PDCD2L: variants seen among roughly 807,000 people sequenced by gnomAD.
The protein encoded by PDCD2L is programmed cell death 2 like.
A neutral mutation model predicts 40.4 loss-of-function variants in PDCD2L; 44 were observed. That is an observed-to-expected ratio of 1.09 (90% CI 0.86 to 1.40). PDCD2L has a LOEUF of 1.40. Among genes scored for constraint, PDCD2L ranks in the 40% most tolerant of loss-of-function variants. The pLI, the probability that PDCD2L is intolerant of heterozygous loss-of-function variation, is 0.00. For missense variants in PDCD2L, 470 were observed against 453.7 expected, an observed-to-expected ratio of 1.04 and a Z score of -0.33; for synonymous variants, 194 against 174.6, an observed-to-expected ratio of 1.11 and a Z score of -0.88.
chr19:34,422,961 G>A lies in PDCD2L; in HGVS notation c.946+1294G>A, dbSNP rs910012802. Among the ~76,000 whole-genome samples the A allele has an allele frequency of 4.7e-5, 7 of 150,424 alleles. No homozygotes were observed. In the East Asian group the frequency reaches 5.9e-4, roughly 13 times the overall value. On this transcript the variant is annotated intron_variant, in intron 6 of 6. Transcript: ENST00000246535. ...TGTTGATCTCCTGACCTTGTGATCCGCCCACCTCAGCCTCCCAAAGTGCTG... is the reference window on the plus strand; with the variant it reads ...TGTTGATCTCCTGACCTTGTGATCCACCCACCTCAGCCTCCCAAAGTGCTG...
chr19:34,409,510 G>C lies in PDCD2L; in HGVS notation c.686G>C (p.Ser229Thr). 1 of 1,612,452 alleles carries C rather than the reference G, an allele frequency of 6.2e-7. No homozygotes were observed. Among genetic ancestry groups the C allele is most frequent in the Non-Finnish European group, 8.5e-7 (1 of 1,178,968 alleles). The change falls in exon 4 of 7, where the codon AGC becomes ACC. Residue 229 changes from serine to threonine, a missense_variant and splice_region_variant. Coordinates refer to ENST00000246535, the MANE Select transcript of PDCD2L (RefSeq NM_032346.2). ...GCCATGGATCAGTTGCTTTCCCAAA[G>C]GTGAGGATGTGTGCTGCTGAGGTTG... Reference protein sequence around the residue: ...GIAMDQLLSQSLPNDGDEKYE... With the variant: ...GIAMDQLLSQTLPNDGDEKYE...
At chr19:34,412,073 A>G (rs1020689145) in intron 4 of PDCD2L, among the ~76,000 whole-genome samples, 4 of 151,240 alleles carry the variant, frequency 2.6e-5, no homozygotes, top group African/African-American at 9.7e-5. Flanking sequence ...AGGCTGGAGT[A>G]CAGTGGCTCA....
intron 6 of PDCD2L, among the ~76,000 whole-genome samples, chr19:34,425,682 C>T (rs1269615184): frequency 6.6e-6 from 1 of 152,104 alleles, no homozygotes; most frequent in Non-Finnish European, 1.5e-5. Flanking sequence ...CTATGTATAT[C>T]ACATGAACCA....
chr19:34,420,992 A>G (rs2075148150), intron 5 of PDCD2L, among the ~76,000 whole-genome samples: 1 of 152,152 alleles, frequency 6.6e-6, no homozygotes, highest in African/African-American at 2.4e-5. Context: ...GGAGCACACA[A>G]CCTAGATCCC....
chr19:34,407,375 G>C lies in PDCD2L; in HGVS notation c.337-1786G>C, dbSNP rs560376140. ...AGGATGGTGTCGATCTCTTTACCTC[G>C]TGATCCACCCGCCTTGGCTTCCTGA... On this transcript the variant is annotated intron_variant, in intron 3 of 6. Transcript: ENST00000246535. Among the ~76,000 whole-genome samples the C allele has an allele frequency of 3.3e-5, 5 of 151,860 alleles. No homozygotes were observed. In the South Asian group the frequency reaches 8.3e-4, roughly 25 times the overall value.
At chr19:34,425,929 T>G in intron 6 of PDCD2L, 61 bp from the exon 7 acceptor site, 1 of 1,533,658 alleles carries the variant, frequency 6.5e-7, no homozygotes, top group Admixed American at 2.0e-5. Context: ...AATCATTCCT[T>G]TTAGTAACAT....
chr19:34,404,634 C>T lies in PDCD2L; in HGVS notation c.109-15C>T, dbSNP rs556806978. The stretch of plus-strand genomic sequence containing the variant: ...GGGGGGAGTCGGGGTCTGAGCGCCT[C>T]CTCTGTCCCCTCAGGATGCTCTGCC... On this transcript the variant is annotated splice_polypyrimidine_tract_variant and intron_variant, in intron 1 of 6. Transcript: ENST00000246535. 9.3e-6 allele frequency: 15 copies of T among 1,608,366 alleles called. No individual in the cohort carries two copies. In the South Asian group the frequency reaches 1.3e-4, roughly 14 times the overall value.
Position 34,404,742 on chromosome 19 carries a change from G to A in PDCD2L, c.202G>A (p.Gly68Ser), listed in dbSNP as rs141960904. The change falls in exon 2 of 7, where the codon GGC (glycine) becomes AGC (serine). Residue 68 changes from glycine to serine, a missense_variant. By Grantham distance (56) the Gly-to-Ser change is moderately conservative. Transcript: ENST00000246535. The part of the protein sequence containing the change: ...LVVQVYCPLE[G>S]SPFHRLLHVF... ...CGTGCAGGTGTATTGCCCGCTGGAA[G>A]GCTCCCCGTTTCACCGTCTGCTGCA... The A allele has an allele frequency of 2.3e-3, 3,672 of 1,612,138 alleles. 8 individuals carry two copies. The highest frequency in any genetic ancestry group is 2.8e-3 in the Middle Eastern group (17 of 6,062).
rs564353326 is a variant in PDCD2L, at chr19:34,425,875, A to G, written c.947-115A>G. ...TCTGTTATAGCTGAAAGCAGTAAGC[A>G]CTGTTTTTGCTTTACCTAATTACTT... On this transcript the variant is annotated intron_variant, in intron 6 of 6. Coordinates refer to ENST00000246535, the MANE Select transcript of PDCD2L (RefSeq NM_032346.2). The G allele has an allele frequency of 1.0e-4, 104 of 999,952 alleles. No individual in the cohort carries two copies. The African/African-American group carries it at 1.4e-3, about 14-fold the overall frequency. 61.9% of individuals were successfully genotyped at this position (999,952 alleles called of 1,614,324 possible).
chr19:34,423,822 C>T (rs2075164099), intron 6 of PDCD2L, among the ~76,000 whole-genome samples: 1 of 152,122 alleles, frequency 6.6e-6, no homozygotes, highest in Non-Finnish European at 1.5e-5. Context: ...TTTGGATAGC[C>T]TTAGTTCTAT....
chr19:34,422,448 C>G (rs890061087), intron 6 of PDCD2L: 1 of 152,070 alleles, frequency 6.6e-6, no homozygotes, highest in Non-Finnish European at 1.5e-5. Context: ...ATCCTCCCGC[C>G]TTGGCCTCCC....
At chr19:34,418,047 A>G (rs1345120321) in intron 5 of PDCD2L, among the ~76,000 whole-genome samples, 1 of 152,176 alleles carries the variant, frequency 6.6e-6, no homozygotes, top group Non-Finnish European at 1.5e-5. Context: ...GATGTTGTGC[A>G]TCTTTCCATA....
At position 34,413,746 on chromosome 19, in the gene PDCD2L, T is replaced by A; in HGVS notation, c.696T>A (p.Asn232Lys). 3 of 1,574,064 alleles carry A rather than the reference T, an allele frequency of 1.9e-6. No homozygotes were observed. The highest frequency in any genetic ancestry group is 2.6e-6 in the Non-Finnish European group (3 of 1,148,628). ...CTGCTTCTGTTTTTAGCCTTCCTAATGATGGTGATGAAAAATATGAGAAGA... is the reference window on the plus strand; with the variant it reads ...CTGCTTCTGTTTTTAGCCTTCCTAAAGATGGTGATGAAAAATATGAGAAGA... ...MDQLLSQSLP[N>K]DGDEKYEKTI... The change falls in exon 5 of 7, where the codon AAT becomes AAA. Residue 232 changes from asparagine to lysine, a missense_variant. By Grantham distance (94) the Asn-to-Lys change is moderately conservative. Coordinates refer to ENST00000246535, the MANE Select transcript of PDCD2L (RefSeq NM_032346.2).
intron 6 of PDCD2L, 80 bp downstream of exon 6, chr19:34,421,747 T>A: frequency 6.8e-7 from 1 of 1,464,092 alleles, no homozygotes; most frequent in Non-Finnish European, 9.2e-7. Context: ...TGTTTACTTA[T>A]AAAATATCAT....
intron 5 of PDCD2L, among the ~76,000 whole-genome samples, chr19:34,417,689 G>C (rs2075132224): frequency 6.6e-6 from 1 of 152,114 alleles, no homozygotes; most frequent in Non-Finnish European, 1.5e-5. Context: ...AAAGACTTGA[G>C]CTAATCCAGT....
intron 4 of PDCD2L, among the ~76,000 whole-genome samples, chr19:34,411,165 T>C (rs926288379): frequency 1.7e-4 from 25 of 148,570 alleles, no homozygotes; most frequent in South Asian, 1.0e-3. Context: ...TATTCTTCTT[T>C]TTTTTTTTTT....
At chr19:34,406,826 CTTTTTT>C (rs35175132) in intron 3 of PDCD2L, among the ~76,000 whole-genome samples, 1 of 102,246 alleles carries the variant, frequency 9.8e-6, no homozygotes, top group African/African-American at 4.3e-5. Context: ...TTCTTTCTTC[CTTTTTT>C]TTTTTTTTTT....
chr19:34,404,906 C>T (rs752265644), intron 2 of PDCD2L, 24 bp from the exon 3 acceptor site: 1 of 1,613,762 alleles, frequency 6.2e-7, no homozygotes, highest in Non-Finnish European at 8.5e-7. Flanking sequence ...GCAGCCCTCA[C>T]GGCCCTTTGT....
chr19:34,405,690 C>T (rs922382626), intron 3 of PDCD2L, among the ~76,000 whole-genome samples: 3 of 150,994 alleles, frequency 2.0e-5, no homozygotes, highest in African/African-American at 7.3e-5. Context: ...CTCCTGAGGT[C>T]AGAAGTTCGA....
Sources: gnomAD v4.1 joint callset for allele counts (sites outside exome capture counted in the v4.1 genomes callset) on GRCh38, gnomAD v4.1.1 for gene constraint, MANE v1.5 for transcripts, NCBI Gene and HGNC (gene_info 2026-07-23, HGNC 2026-07-21) for gene names.